Variants in CCNYL1 observed in about 807,000 individuals in gnomAD.
CCNYL1 encodes cyclin Y like 1, also known as cyclin-Y-like protein 1.
Under a neutral mutation model 44.2 loss-of-function variants are expected in CCNYL1, and 16 were observed. That is an observed-to-expected ratio of 0.36 (90% CI 0.25 to 0.55). The LOEUF (loss-of-function observed/expected upper bound fraction) is 0.55. Among genes scored for constraint, CCNYL1 ranks in the 20% least tolerant of loss-of-function variants. The pLI is 0.85. For synonymous variants in CCNYL1, 159 were observed against 163.2 expected, an observed-to-expected ratio of 0.97 and a Z score of 0.20; for missense variants, 348 against 451.8, an observed-to-expected ratio of 0.77 and a Z score of 2.08.
chr2:207,748,052 C>T (rs575499898), intron 8 of CCNYL1, among the ~76,000 whole-genome samples: 4 of 152,286 alleles, frequency 2.6e-5, no homozygotes, highest in Admixed American at 6.5e-5. Context: ...TGAGAAGTTA[C>T]GTAGCTTCAA....
Position 207,711,824 on chromosome 2 carries a change from GAGGGGGCGGCTGTTGAGGGCGGCGGAGT to G in CCNYL1, c.-64_-37del. 8.5e-6 allele frequency: 9 copies of G among 1,053,596 alleles called. No individual in the cohort carries two copies. Among genetic ancestry groups the G allele is most frequent in the Non-Finnish European group, 1.1e-5 (9 of 791,736 alleles). 65.3% of individuals were successfully genotyped at this position (1,053,596 alleles called of 1,614,324 possible). The stretch of plus-strand genomic sequence containing the variant: ...GGTGCCGGCCGCGCCATTGTTGGGG[GAGGGGGCGGCTGTTGAGGGCGGCGGAGT>G]AGGGGGCGAGCGAAGGCGGTGGCAG... On this transcript the variant is annotated 5_prime_UTR_variant, in exon 1 of 10. Transcript: ENST00000295414.
intron 7 of CCNYL1, among the ~76,000 whole-genome samples, chr2:207,745,869 G>A (rs959095119): frequency 1.3e-5 from 2 of 151,980 alleles, no homozygotes; most frequent in Non-Finnish European, 2.9e-5. Context: ...TGAACCCAGG[G>A]GGCAGAGGTT....
chr2:207,722,373 G>A (rs968975877), intron 1 of CCNYL1, among the ~76,000 whole-genome samples: 1 of 151,490 alleles, frequency 6.6e-6, no homozygotes, highest in Non-Finnish European at 1.5e-5. Context: ...ATGCCCAGCC[G>A]CCTTGGATAT....
chr2:207,748,673 A>G (rs1245382036), intron 8 of CCNYL1, among the ~76,000 whole-genome samples: 1 of 152,202 alleles, frequency 6.6e-6, no homozygotes, highest in Admixed American at 6.5e-5. Context: ...GCCTTTGCCC[A>G]TTACTCCATA....
intron 5 of CCNYL1, 22 bp downstream of exon 5, chr2:207,737,468 C>A: frequency 6.3e-7 from 1 of 1,592,816 alleles, no homozygotes; most frequent in Non-Finnish European, 8.6e-7. Context: ...TAAAACCTGT[C>A]TTGTTATTCC....
intron 8 of CCNYL1, among the ~76,000 whole-genome samples, chr2:207,747,811 G>C (rs573721038): frequency 1.3e-5 from 2 of 152,228 alleles, no homozygotes; most frequent in South Asian, 4.1e-4. Context: ...GCCCGCCTCC[G>C]TCTCCCAAAG....
chr2:207,724,106 A>G (rs1024367116), intron 1 of CCNYL1, among the ~76,000 whole-genome samples: 11 of 152,122 alleles, frequency 7.2e-5, no homozygotes, highest in African/African-American at 2.7e-4. Context: ...CAGCCCTAAG[A>G]TCTGCTTTAA....
chr2:207,723,829 C>T lies in CCNYL1; in HGVS notation c.221-971C>T, dbSNP rs181121161. The stretch of plus-strand genomic sequence containing the variant: ...GGCAGAGGTTGCAGTGAGCTGAGAC[C>T]GTGCCACTGCACTCCAGCCTGGGCA... On this transcript the variant is annotated intron_variant, in intron 1 of 9. Coordinates refer to ENST00000295414, the MANE Select transcript of CCNYL1 (RefSeq NM_001330218.2). Among the ~76,000 whole-genome samples, 519 of 142,860 alleles carry T rather than the reference C, an allele frequency of 3.6e-3. 3 individuals carry two copies. The highest frequency in any genetic ancestry group is 0.013 in the African/African-American group (494 of 37,200). 93.7% of individuals were successfully genotyped at this position (142,860 alleles called of 152,430 possible).
At chr2:207,742,494 T>C in intron 7 of CCNYL1, 152 bp downstream of exon 7, 4 of 715,582 alleles carry the variant, frequency 5.6e-6, no homozygotes, top group Non-Finnish European at 6.7e-6. Context: ...CATTCGCGTT[T>C]AATCATCATT....
At chr2:207,720,788 A>G (rs1472346100) in intron 1 of CCNYL1, among the ~76,000 whole-genome samples, 1 of 152,220 alleles carries the variant, frequency 6.6e-6, no homozygotes, top group Non-Finnish European at 1.5e-5. Flanking sequence ...AAGGTATACT[A>G]TAGCATATGA....
intron 7 of CCNYL1, among the ~76,000 whole-genome samples, chr2:207,742,836 T>G (rs1002410971): frequency 3.4e-4 from 51 of 152,226 alleles, no homozygotes; most frequent in African/African-American, 1.1e-3. Context: ...CTACCTCTTG[T>G]GCCTGCTCGT....
intron 1 of CCNYL1, among the ~76,000 whole-genome samples, chr2:207,719,833 A>G (rs1404797544): frequency 6.6e-6 from 1 of 151,698 alleles, no homozygotes; most frequent in Non-Finnish European, 1.5e-5. Context: ...GGCTCAAGTG[A>G]TCCTCTTGCC....
chr2:207,752,511 G>A lies in CCNYL1; in HGVS notation c.970-1077G>A, dbSNP rs1011736747. Among the ~76,000 whole-genome samples, 3 of 151,636 alleles carry A rather than the reference G, an allele frequency of 2.0e-5. No individual in the cohort carries two copies. In the South Asian group the frequency reaches 6.3e-4, roughly 32 times the overall value. On this transcript the variant is annotated intron_variant, in intron 9 of 9. Coordinates refer to ENST00000295414, the MANE Select transcript of CCNYL1 (RefSeq NM_001330218.2). The stretch of plus-strand genomic sequence containing the variant: ...ATCATGCCACTGCACTCCAGCCTGG[G>A]CGATAGAGCAAGACCCTTGTCTCAA...
chr2:207,750,277 C>T (rs2091882131), intron 8 of CCNYL1, among the ~76,000 whole-genome samples: 1 of 152,204 alleles, frequency 6.6e-6, no homozygotes, highest in Admixed American at 6.5e-5. Flanking sequence ...GTATCCTCAC[C>T]CTGTCATAGT....
intron 6 of CCNYL1, among the ~76,000 whole-genome samples, chr2:207,741,145 C>G (rs1446022563): frequency 2.0e-5 from 3 of 151,960 alleles, no homozygotes; most frequent in Non-Finnish European, 4.4e-5. Context: ...GTCCCAGCTA[C>G]TTGGGAGGCT....
At chr2:207,742,447 C>A in intron 7 of CCNYL1, 105 bp downstream of exon 7, 5 of 1,045,638 alleles carry the variant, frequency 4.8e-6, no homozygotes, top group East Asian at 2.5e-5. Flanking sequence ...ATCATCAGAA[C>A]TTTAAGAGAA....
chr2:207,727,450 G>A (rs780715948), intron 3 of CCNYL1, among the ~76,000 whole-genome samples: 1 of 152,058 alleles, frequency 6.6e-6, no homozygotes, highest in Non-Finnish European at 1.5e-5. Flanking sequence ...GTGTCTGCAC[G>A]TCTCTTCCTA....
chr2:207,746,240 G>A (rs1371331066), intron 7 of CCNYL1, among the ~76,000 whole-genome samples: 1 of 152,162 alleles, frequency 6.6e-6, no homozygotes, highest in Non-Finnish European at 1.5e-5. Flanking sequence ...GCAGCCACTG[G>A]GTGGCTCTCT....
intron 8 of CCNYL1, among the ~76,000 whole-genome samples, chr2:207,747,545 A>AT (rs2091863009): frequency 6.6e-6 from 1 of 152,054 alleles, no homozygotes; most frequent in African/African-American, 2.4e-5. Flanking sequence ...AAATATCTTT[A>AT]TTTTATTTTA....
Sources: gnomAD v4.1 joint callset for allele counts (sites outside exome capture counted in the v4.1 genomes callset) on GRCh38, gnomAD v4.1.1 for gene constraint, MANE v1.5 for transcripts, NCBI Gene and HGNC (gene_info 2026-07-23, HGNC 2026-07-21) for gene names.